Variants in ARHGAP24 observed in about 807,000 individuals in gnomAD.
ARHGAP24 encodes Rho GTPase activating protein 24.
Under a neutral mutation model 76.4 loss-of-function variants are expected in ARHGAP24, and 50 were observed. That is an observed-to-expected ratio of 0.65 (90% CI 0.52 to 0.83). The LOEUF (loss-of-function observed/expected upper bound fraction) is 0.83. ARHGAP24 is among the 40% of genes least tolerant of loss of function. The pLI, the probability that ARHGAP24 is intolerant of heterozygous loss-of-function variation, is 0.00. For synonymous variants in ARHGAP24, 345 were observed against 323.3 expected (o/e 1.07, Z -0.72); for missense variants, 930 against 914.2 (o/e 1.02, Z -0.22).
intron 8 of ARHGAP24, among the ~76,000 whole-genome samples, chr4:85,979,420 C>T (rs1342823608): frequency 6.6e-6 from 1 of 152,054 alleles, no homozygotes; most frequent in African/African-American, 2.4e-5. Flanking sequence ...CCATCACCGC[C>T]ATCCATCTCC....
intron 3 of ARHGAP24, among the ~76,000 whole-genome samples, chr4:85,917,075 A>G (rs961101587): frequency 2.0e-5 from 3 of 150,962 alleles, no homozygotes; most frequent in Non-Finnish European, 4.4e-5. Context: ...CCTCCACCCC[A>G]CAACAGTCCC....
chr4:86,000,391 G>A lies in ARHGAP24; in HGVS notation c.2004-88G>A. 5 of 992,984 alleles carry A rather than the reference G, an allele frequency of 5.0e-6. No individual in the cohort carries two copies. In the South Asian group the frequency reaches 6.6e-5, roughly 13 times the overall value. The allele number at this position is 992,984 out of a possible 1,614,324, so 61.5% of individuals were successfully genotyped here. A position where few individuals can be genotyped will look rare whatever the true frequency, so the allele number is the denominator to read the frequency against. On this transcript the variant is annotated intron_variant, in intron 9 of 9. Transcript: ENST00000395184. ...ATCATAAAGAGTTTAGAAAATATTT[G>A]TATGTCTCTTGCATTTCAAGTGAAT...
intron 2 of ARHGAP24, among the ~76,000 whole-genome samples, chr4:85,682,684 A>G (rs1723251277): frequency 6.6e-6 from 1 of 152,220 alleles, no homozygotes; most frequent in African/African-American, 2.4e-5. Context: ...CTGCCACTTT[A>G]TGCGGTTCTT....
chr4:85,729,720 G>A lies in ARHGAP24; in HGVS notation c.268+7748G>A, dbSNP rs1169094015. ...AGTTGTTCAACTCTGCCATGGTAGCGAAAACAAATGGATGTGGCTGTATGT... is the reference window on the plus strand; with the variant it reads ...AGTTGTTCAACTCTGCCATGGTAGCAAAAACAAATGGATGTGGCTGTATGT... On this transcript the variant is annotated intron_variant, in intron 3 of 9. Transcript: ENST00000395184. 3.3e-5 allele frequency among the ~76,000 whole-genome samples: 5 copies of A among 152,158 alleles called. No individual in the cohort carries two copies. In the East Asian group the frequency reaches 5.8e-4, roughly 18 times the overall value.
chr4:85,612,083 T>TACACACACACACACACACAC (rs34030905), intron 2 of ARHGAP24, among the ~76,000 whole-genome samples: 24 of 143,770 alleles, frequency 1.7e-4, no homozygotes, highest in East Asian at 2.2e-4. Flanking sequence ...TTCATTACAT[T>TACACACACACACACACACAC]ACACACACAC....
At chr4:85,559,052 G>T (rs573521514) in intron 1 of ARHGAP24, among the ~76,000 whole-genome samples, 1 of 152,188 alleles carries the variant, frequency 6.6e-6, no homozygotes, top group South Asian at 2.1e-4. Context: ...GTGCTGGAGG[G>T]GCTCTATAAA....
chr4:85,897,154 G>A (rs902839327), intron 3 of ARHGAP24, among the ~76,000 whole-genome samples: 4 of 152,112 alleles, frequency 2.6e-5, no homozygotes, highest in Non-Finnish European at 5.9e-5. Flanking sequence ...ATGAGTTCTT[G>A]AAAGGCTATA....
At chr4:85,575,074 T>TTTAA (rs1429060470) in intron 2 of ARHGAP24, among the ~76,000 whole-genome samples, 1 of 152,194 alleles carries the variant, frequency 6.6e-6, no homozygotes, top group Admixed American at 6.5e-5. Context: ...TGTCTCATAA[T>TTTAA]ATAGCTATTT....
At chr4:85,795,047 C>G (rs939676653) in intron 3 of ARHGAP24, among the ~76,000 whole-genome samples, 1 of 152,190 alleles carries the variant, frequency 6.6e-6, no homozygotes, top group Admixed American at 6.5e-5. Flanking sequence ...TTTCGGAATT[C>G]GTAGATAATC....
At chr4:85,619,906 A>G (rs62317189) in intron 2 of ARHGAP24, among the ~76,000 whole-genome samples, 39,970 of 151,412 alleles carry the variant, frequency 0.26, 7,334 homozygotes, top group East Asian at 0.84. Flanking sequence ...CCTTATCTGC[A>G]TCTATTGAAA....
intron 3 of ARHGAP24, among the ~76,000 whole-genome samples, chr4:85,784,095 A>G (rs1297268542): frequency 6.6e-6 from 1 of 152,150 alleles, no homozygotes; most frequent in African/African-American, 2.4e-5. Flanking sequence ...TTTCTACCAC[A>G]ATATTGAAAT....
intron 3 of ARHGAP24, among the ~76,000 whole-genome samples, chr4:85,840,604 C>T (rs1730546959): frequency 6.6e-6 from 1 of 152,134 alleles, no homozygotes; most frequent in African/African-American, 2.4e-5. Flanking sequence ...GCAGGATTGG[C>T]TCTCATAGCT....
intron 2 of ARHGAP24, among the ~76,000 whole-genome samples, chr4:85,571,242 C>T (rs1727129489): frequency 6.6e-6 from 1 of 152,188 alleles, no homozygotes; most frequent in Non-Finnish European, 1.5e-5. Flanking sequence ...ATGTACCAAT[C>T]CTTCTGTGAA....
intron 2 of ARHGAP24, among the ~76,000 whole-genome samples, chr4:85,602,694 G>T (rs541933277): frequency 2.0e-4 from 30 of 152,242 alleles, no homozygotes; most frequent in African/African-American, 6.7e-4. Context: ...CCAGAATTAT[G>T]TAATGCATTT....
chr4:85,476,559 G>T (rs1722607579), intron 1 of ARHGAP24, among the ~76,000 whole-genome samples: 1 of 152,146 alleles, frequency 6.6e-6, no homozygotes. Flanking sequence ...AAAACAATAT[G>T]TGTTGCTATG....
chr4:85,557,681 G>A (rs769640836), intron 1 of ARHGAP24, among the ~76,000 whole-genome samples: 16 of 152,220 alleles, frequency 1.1e-4, no homozygotes, highest in African/African-American at 1.4e-4. Context: ...TATTCTCTCC[G>A]TGAAAGCAGT....
intron 3 of ARHGAP24, among the ~76,000 whole-genome samples, chr4:85,895,013 A>G (rs1468086494): frequency 2.7e-4 from 9 of 33,312 alleles, no homozygotes; most frequent in African/African-American, 8.2e-4. Flanking sequence ...AAAAAAAAAA[A>G]AAAAAAAAGA....
intron 1 of ARHGAP24, among the ~76,000 whole-genome samples, chr4:85,522,472 A>T (rs1578005598): frequency 6.6e-6 from 1 of 152,302 alleles, no homozygotes; most frequent in East Asian, 1.9e-4. Flanking sequence ...GGAGTAGCAG[A>T]AGTGAAAGCA....
chr4:85,759,063 T>C (rs1008133540), intron 3 of ARHGAP24, among the ~76,000 whole-genome samples: 1 of 152,194 alleles, frequency 6.6e-6, no homozygotes, highest in Admixed American at 6.5e-5. Context: ...CCAAATTTGA[T>C]TATCAGATGT....
Sources: allele counts gnomAD v4.1 joint callset (sites outside exome capture counted in the v4.1 genomes callset), GRCh38; gene constraint gnomAD v4.1.1; transcripts MANE v1.5; gene names NCBI Gene and HGNC (gene_info 2026-07-23, HGNC 2026-07-21).